SMG1: variants seen among roughly 807,000 people sequenced by gnomAD.
The protein encoded by SMG1 is SMG1 nonsense mediated mRNA decay associated PI3K related kinase.
Under a neutral mutation model 419.9 loss-of-function variants are expected in SMG1, and 22 were observed. That is an observed-to-expected ratio of 0.05 (90% CI 0.04 to 0.07). The LOEUF is 0.07. SMG1 is among the 10% of genes least tolerant of loss of function. SMG1 has a pLI of 1.00. For synonymous variants in SMG1, 1,538 were observed against 1,553.5 expected (o/e 0.99, Z 0.23); for missense variants, 3,185 against 4,342.0 (o/e 0.73, Z 7.49).
Position 18,926,287 on chromosome 16 carries a change from C to T in SMG1, c.-246G>A. 4.0e-6 allele frequency: 2 copies of T among 503,840 alleles called. No individual in the cohort carries two copies. The highest frequency in any genetic ancestry group is 2.6e-5 in the South Asian group (1 of 38,196). The allele number at this position is 503,840 out of a possible 1,614,324, so 31.2% of individuals were successfully genotyped here. Reference sequence around the variant, plus strand: ...CGGGAGCGGCGCGGTGAGAGAGAGGCGGATGAAGGGGAGGCGACGTCTTTT... The same window carrying T: ...CGGGAGCGGCGCGGTGAGAGAGAGGTGGATGAAGGGGAGGCGACGTCTTTT... On this transcript the variant is annotated 5_prime_UTR_variant, in exon 1 of 63. Transcript: ENST00000446231.
intron 1 of SMG1, among the ~76,000 whole-genome samples, chr16:18,923,552 T>C (rs1038609475): frequency 3.3e-5 from 5 of 151,724 alleles, no homozygotes; most frequent in African/African-American, 9.7e-5. Flanking sequence ...GAATTTTTCC[T>C]TGTAACCGGG....
At position 18,841,655 on chromosome 16, in the gene SMG1, T is replaced by C. The variant is rs1422577472; in HGVS notation, c.6606A>G (p.Ser2202=). The C allele has an allele frequency of 6.2e-7, 1 of 1,614,028 alleles. No individual in the cohort carries two copies. The highest frequency in any genetic ancestry group is 1.1e-5 in the South Asian group (1 of 91,090). The change falls in exon 41 of 63, where the codon TCA becomes TCG. Residue 2202 remains serine (S), a synonymous_variant. Coordinates refer to ENST00000446231, the MANE Select transcript of SMG1 (RefSeq NM_015092.5). ...HYSVTPLGTR[S]GLIQWVDGAT... is the part of the protein sequence containing the mutation. The stretch of plus-strand genomic sequence containing the variant: ...CTCCATCTACCCACTGGATTAGTCC[T>C]GATCTTGTTCCTAGTGGTGTTACAG...
intron 50 of SMG1, among the ~76,000 whole-genome samples, chr16:18,833,978 G>C (rs572324907): frequency 1.3e-5 from 2 of 152,132 alleles, no homozygotes; most frequent in Non-Finnish European, 1.5e-5. Context: ...CACTTGACTT[G>C]ATTCCAGTTT....
rs2035343131 is a variant in SMG1 at position 18,863,871 on chromosome 16, T to G, written c.3494-20A>C. 6.3e-7 allele frequency: 1 copy of G among 1,587,508 alleles called. No homozygotes were observed. The highest frequency in any genetic ancestry group is 1.1e-5 in the South Asian group (1 of 90,072). On this transcript the variant is annotated intron_variant, in intron 24 of 62. Coordinates refer to ENST00000446231, the MANE Select transcript of SMG1 (RefSeq NM_015092.5). ...ATTCACCTGAAAGTATTTTATAAAA[T>G]AAGAAGAGAGAGATTCAGATCAGTT...
chr16:18,906,197 G>A (rs867761879), intron 1 of SMG1, among the ~76,000 whole-genome samples: 3 of 151,682 alleles, frequency 2.0e-5, no homozygotes, highest in Non-Finnish European at 4.4e-5. Flanking sequence ...AAAAAAAAAG[G>A]TACCAGCTGC....
At chr16:18,833,566 CAA>C (rs35610810) in intron 50 of SMG1, among the ~76,000 whole-genome samples, 7 of 145,896 alleles carry the variant, frequency 4.8e-5, no homozygotes, top group South Asian at 4.3e-4. Context: ...TATTTCCCTT[CAA>C]AAAAAAAAAG....
intron 55 of SMG1, among the ~76,000 whole-genome samples, chr16:18,821,217 G>GTTTTTTTTTTTTT (rs2032501770): frequency 2.8e-4 from 9 of 31,736 alleles, no homozygotes; most frequent in African/African-American, 9.4e-4. Context: ...TATTTAGTAT[G>GTTTTTTTTTTTTT]TTTCTTTTTT....
At chr16:18,848,459 G>A (rs1596514362) in intron 36 of SMG1, among the ~76,000 whole-genome samples, 1 of 151,942 alleles carries the variant, frequency 6.6e-6, no homozygotes, top group Non-Finnish European at 1.5e-5. Context: ...GGGACTACAG[G>A]TGTGTGCTAC....
chr16:18,899,286 G>A (rs1169415730), intron 1 of SMG1, among the ~76,000 whole-genome samples: 1 of 151,890 alleles, frequency 6.6e-6, no homozygotes, highest in Non-Finnish European at 1.5e-5. Context: ...CCGCTTCCCC[G>A]TTGGTTAGAA....
At chr16:18,857,304 A>G (rs2034966468) in intron 29 of SMG1, 1 of 152,252 alleles carries the variant, frequency 6.6e-6, no homozygotes, top group Non-Finnish European at 1.5e-5. Context: ...GTAAATTGTT[A>G]GCATCCCTTT....
chr16:18,839,640 G>GA, intron 42 of SMG1, 58 bp downstream of exon 42: 1 of 1,595,490 alleles, frequency 6.3e-7, no homozygotes, highest in Non-Finnish European at 8.6e-7. Context: ...AGATAGGCAA[G>GA]AAGGTAGCAG....
chr16:18,871,069 A>G (rs1282221657), intron 16 of SMG1, among the ~76,000 whole-genome samples, 181 bp from the exon 17 acceptor site: 2 of 152,378 alleles, frequency 1.3e-5, no homozygotes, highest in East Asian at 1.9e-4. Context: ...TACATTCAAC[A>G]AAACCCACGT....
Position 18,815,514 on chromosome 16 carries a change from A to C in SMG1, c.10440T>G (p.Val3480=). Residue 3480 remains valine, a synonymous_variant, in exon 59 of 63, where the codon GTT becomes GTG. Coordinates refer to ENST00000446231, the MANE Select transcript of SMG1 (RefSeq NM_015092.5). ...GCATTTCAACGTGTTCTTGACTTCGAACCTGACCCATAGCCTGGACTAATG... is the reference window on the plus strand; with the variant it reads ...GCATTTCAACGTGTTCTTGACTTCGCACCTGACCCATAGCCTGGACTAATG... The part of the protein sequence containing the change: ...LFTLVQAMGQ[V]RSQEHVEMLQ... 6.2e-7 allele frequency: 1 copy of C among 1,613,954 alleles called. No individual in the cohort carries two copies.
At chr16:18,864,265 A>C (rs1820001442) in intron 23 of SMG1, 121 bp from the exon 24 acceptor site, 1 of 807,538 alleles carries the variant, frequency 1.2e-6, no homozygotes, top group Admixed American at 3.8e-5. Flanking sequence ...GCACTGTCTC[A>C]GCTCAATGCA....
intron 55 of SMG1, among the ~76,000 whole-genome samples, chr16:18,820,754 T>C (rs1015159452): frequency 1.4e-4 from 22 of 152,228 alleles, no homozygotes; most frequent in African/African-American, 4.8e-4. Context: ...AATCTTCAAA[T>C]GACTGAGCTC....
chr16:18,921,344 TCAAAA>T lies in SMG1; in HGVS notation c.92+4601_92+4605del, dbSNP rs565912257. On this transcript the variant is annotated intron_variant, in intron 1 of 62. Transcript: ENST00000446231. ...CTGGACAACAGAGCAAGAGCATATC[TCAAAA>T]CAGAGGAAAGAAAAGAAAAGAAAAA... 7.1e-3 allele frequency among the ~76,000 whole-genome samples: 1,072 copies of T among 152,022 alleles called. 15 individuals are homozygous for T. Among genetic ancestry groups the T allele is most frequent in the African/African-American group, 0.024 (1,010 of 41,456 alleles).
chr16:18,916,827 G>A (rs2038001220), intron 1 of SMG1, among the ~76,000 whole-genome samples: 3 of 152,066 alleles, frequency 2.0e-5, no homozygotes, highest in South Asian at 4.1e-4. Flanking sequence ...CAGCTCCTCT[G>A]AATCATCAAG....
chr16:18,819,353 G>A (rs2032310993), intron 56 of SMG1, 149 bp downstream of exon 56: 3 of 714,414 alleles, frequency 4.2e-6, no homozygotes, highest in South Asian at 3.7e-5. Flanking sequence ...CTTAAGGCAT[G>A]TCCTGAAAGG....
Position 18,829,389 on chromosome 16 carries a change from T to C in SMG1, c.9500A>G (p.Asp3167Gly). Residue 3167 changes from aspartate to glycine, a missense_variant, in exon 54 of 63, where the codon GAC becomes GGC. Asp to Gly is a moderately conservative substitution (Grantham distance 94, BLOSUM62 -1). Coordinates refer to ENST00000446231, the MANE Select transcript of SMG1 (RefSeq NM_015092.5). ...CAAGTCATGCTTCTTCCAGGCAGTG[T>C]CGTAAGAACTTGCTAACACAGTTGC... ...NRATVLASSY[D>G]TAWKKHDLVR... The C allele has an allele frequency of 1.2e-6, 2 of 1,614,018 alleles. No homozygotes were observed. The highest frequency in any genetic ancestry group is 1.7e-6 in the Non-Finnish European group (2 of 1,179,896).
Sources: allele counts gnomAD v4.1 joint callset (sites outside exome capture counted in the v4.1 genomes callset), GRCh38; gene constraint gnomAD v4.1.1; transcripts MANE v1.5; gene names NCBI Gene and HGNC (gene_info 2026-07-23, HGNC 2026-07-21).